Variants in TRIB2 observed in about 807,000 individuals in gnomAD.
The protein encoded by TRIB2 is tribbles homolog 2.
TRIB2 carries 2 observed loss-of-function variants against 26.8 expected under a neutral mutation model. The observed-to-expected ratio is 0.07, with a 90% CI of 0.03 to 0.24. The LOEUF (loss-of-function observed/expected upper bound fraction) is 0.24, where lower values mean the gene tolerates loss of function less well. TRIB2 is among the 10% of genes least tolerant of loss of function. The probability of loss-of-function intolerance (pLI) is 1.00; values close to 1 mark genes in which losing one functional copy is unlikely to be tolerated. For synonymous variants in TRIB2, 189 were observed against 187.3 expected, an observed-to-expected ratio of 1.01 and a Z score of -0.08; for missense variants, 306 against 449.0, an observed-to-expected ratio of 0.68 and a Z score of 2.88.
At position 12,733,590 on chromosome 2, in the gene TRIB2, A is replaced by G. The variant is rs115935201; in HGVS notation, c.564-6736A>G. ...TTTTACTTTGTTTTGAGAAATAAGG[A>G]TGCAAGCTGTAGTAATCTCAGCATC... On this transcript the variant is annotated intron_variant, in intron 2 of 2. Coordinates refer to ENST00000155926, the MANE Select transcript of TRIB2 (RefSeq NM_021643.4). Among the ~76,000 whole-genome samples, 1,143 of 152,324 alleles carry G rather than the reference A, an allele frequency of 7.5e-3. 7 individuals carry two copies. Among genetic ancestry groups the G allele is most frequent in the African/African-American group, 0.026 (1,100 of 41,580 alleles).
In TRIB2 at chr2:12,720,943, T is replaced by C. The variant is rs531065037; in HGVS notation, c.271-2317T>C. 1.1e-4 allele frequency among the ~76,000 whole-genome samples: 17 copies of C among 152,296 alleles called. No individual in the cohort carries two copies. The South Asian group carries it at 3.5e-3, about 32-fold the overall frequency. On this transcript the variant is annotated intron_variant, in intron 1 of 2. Transcript: ENST00000155926. ...AGAATGGGTACTTTTTTTTTGCAAA[T>C]GTTATTAATGATGGCCTAATCTTAC... is the stretch of plus-strand genomic sequence containing the variant.
rs984913217 is a variant in TRIB2 at position 12,718,219 on chromosome 2, G to C, written c.-89G>C. 5 of 1,506,722 alleles carry C rather than the reference G, an allele frequency of 3.3e-6. No individual in the cohort carries two copies. Among genetic ancestry groups the C allele is most frequent in the Non-Finnish European group, 4.5e-6 (5 of 1,122,350 alleles). The allele number at this position is 1,506,722 out of a possible 1,614,324, so 93.3% of individuals were successfully genotyped here. On this transcript the variant is annotated 5_prime_UTR_variant, in exon 1 of 3. Coordinates refer to ENST00000155926, the MANE Select transcript of TRIB2 (RefSeq NM_021643.4). The surrounding 1 kb of genome is among the most constrained non-coding windows in gnomAD (Gnocchi z 4.0). The stretch of plus-strand genomic sequence containing the variant: ...CCCCTCTCGCTCCCTTTTAAAATCA[G>C]TGGCACCGAGGCGCCTGCAGCCGCA...
intron 2 of TRIB2, among the ~76,000 whole-genome samples, chr2:12,734,118 C>A (rs950453842): frequency 3.3e-5 from 5 of 152,208 alleles, no homozygotes; most frequent in African/African-American, 1.2e-4. Context: ...GCACAGTTTG[C>A]AAAAGGCCTG....
Position 12,732,561 on chromosome 2 carries a change from T to C in TRIB2, c.564-7765T>C, listed in dbSNP as rs757774436. Among the ~76,000 whole-genome samples the C allele has an allele frequency of 3.3e-5, 5 of 152,164 alleles. No homozygotes were observed. The highest frequency in any genetic ancestry group is 7.3e-5 in the Non-Finnish European group (5 of 68,034). ...CCATTTGAGGTAGGAGTTGGGGTGG[T>C]TCACTGACTCTCCAAGACTTGGTGC... On this transcript the variant is annotated intron_variant, in intron 2 of 2. Transcript: ENST00000155926. The surrounding 1 kb of genome is among the most constrained non-coding windows in gnomAD (Gnocchi z 4.2).
Position 12,723,338 on chromosome 2 carries a change from A to T in TRIB2, c.349A>T (p.Thr117Ser). The T allele has an allele frequency of 6.2e-7, 1 of 1,614,224 alleles. No homozygotes were observed. ...TGCTCATAGTAACATCAACCAAATC[A>T]CTGAAATTATCCTGGGTGAGACCAA... is the stretch of plus-strand genomic sequence containing the variant. ...LSAHSNINQI[T>S]EIILGETKAY... is the part of the protein sequence containing the mutation. The change falls in exon 2 of 3, where the codon ACT becomes TCT. Residue 117 changes from threonine to serine, a missense_variant. Coordinates refer to ENST00000155926, the MANE Select transcript of TRIB2 (RefSeq NM_021643.4).
rs938861122 is a variant in TRIB2 at position 12,717,609 on chromosome 2, T to C, written c.-699T>C. ...GTTAAATGCTCCCTTGCAATTTTTC[T>C]TTTTTTTGTTTGTTTGTTTAATTTT... On this transcript the variant is annotated 5_prime_UTR_variant, in exon 1 of 3. Coordinates refer to ENST00000155926, the MANE Select transcript of TRIB2 (RefSeq NM_021643.4). This position sits in a 1 kb window ranked among gnomAD's most constrained non-coding sequence, Gnocchi z 4.8. 3.3e-5 allele frequency: 13 copies of C among 394,688 alleles called. No individual in the cohort carries two copies. The South Asian group carries it at 1.3e-3, about 38-fold the overall frequency. The allele number at this position is 394,688 out of a possible 1,614,324, so 24.4% of individuals were successfully genotyped here.
At chr2:12,736,254 C>G (rs1661564281) in intron 2 of TRIB2, among the ~76,000 whole-genome samples, 1 of 152,114 alleles carries the variant, frequency 6.6e-6, no homozygotes, top group African/African-American at 2.4e-5. Flanking sequence ...TGGGGAGACA[C>G]TGTGGCAAAG....
chr2:12,734,559 TTAA>T (rs1572484110), intron 2 of TRIB2, among the ~76,000 whole-genome samples: 1 of 152,158 alleles, frequency 6.6e-6, no homozygotes, highest in Non-Finnish European at 1.5e-5. Flanking sequence ...AGGTTCATTC[TTAA>T]TAATAAGATC....
intron 2 of TRIB2, among the ~76,000 whole-genome samples, chr2:12,736,127 G>C (rs1367420150): frequency 6.6e-6 from 1 of 152,064 alleles, no homozygotes; most frequent in African/African-American, 2.4e-5. Flanking sequence ...GGAGGTGAAG[G>C]AGAAAGTCAG....
At chr2:12,725,177 C>A (rs547747201) in intron 2 of TRIB2, among the ~76,000 whole-genome samples, 1 of 152,328 alleles carries the variant, frequency 6.6e-6, no homozygotes, top group Non-Finnish European at 1.5e-5. Context: ...CCCTCTCTCG[C>A]AGGGATCTGT....
chr2:12,728,908 G>T (rs1661391112), intron 2 of TRIB2, among the ~76,000 whole-genome samples: 1 of 152,150 alleles, frequency 6.6e-6, no homozygotes, highest in Non-Finnish European at 1.5e-5. Flanking sequence ...CCTCCATTGA[G>T]GTCTCAGTAT....
intron 2 of TRIB2, among the ~76,000 whole-genome samples, chr2:12,724,371 C>T (rs1428758230): frequency 6.6e-6 from 1 of 152,214 alleles, no homozygotes; most frequent in African/African-American, 2.4e-5. Flanking sequence ...TGCTTTCTCT[C>T]CCAGCCGATT....
intron 2 of TRIB2, among the ~76,000 whole-genome samples, chr2:12,726,945 TG>T (rs1269970849): frequency 6.6e-6 from 1 of 152,198 alleles, no homozygotes; most frequent in African/African-American, 2.4e-5. Context: ...ATGGAAACGT[TG>T]TTAGTGGAAC....
intron 2 of TRIB2, among the ~76,000 whole-genome samples, chr2:12,734,118 C>T (rs950453842): frequency 6.6e-6 from 1 of 152,208 alleles, no homozygotes; most frequent in East Asian, 1.9e-4. Flanking sequence ...GCACAGTTTG[C>T]AAAAGGCCTG....
At position 12,717,177 on chromosome 2, in the gene TRIB2, T is replaced by G; in HGVS notation, c.-1131T>G. ...AAGAAGGAGGAGACAAGCCGTCAAT[T>G]TTCTCCAAAACAAACCCCACCGGGC... On this transcript the variant is annotated 5_prime_UTR_variant, in exon 1 of 3. In the 5' UTR this introduces an upstream ATG that the reference lacks. Transcript: ENST00000155926. This position sits in a 1 kb window ranked among gnomAD's most constrained non-coding sequence, Gnocchi z 4.8. 1 of 393,182 alleles carries G rather than the reference T, an allele frequency of 2.5e-6. No homozygotes were observed. Among genetic ancestry groups the G allele is most frequent in the Admixed American group, 4.4e-5 (1 of 22,544 alleles). 24.4% of individuals were successfully genotyped at this position (393,182 alleles called of 1,614,324 possible).
intron 1 of TRIB2, among the ~76,000 whole-genome samples, chr2:12,721,967 A>G (rs534284494): frequency 1.3e-5 from 2 of 152,350 alleles, no homozygotes; most frequent in South Asian, 4.1e-4. Context: ...AAGAGGGAAC[A>G]GAGCTTTTAT....
intron 2 of TRIB2, among the ~76,000 whole-genome samples, chr2:12,727,420 A>AT (rs1491530399): frequency 1.3e-5 from 2 of 152,208 alleles, no homozygotes; most frequent in African/African-American, 2.4e-5. Flanking sequence ...CCCTTGTGAC[A>AT]TAGGGGTTCA....
intron 2 of TRIB2, among the ~76,000 whole-genome samples, chr2:12,727,734 G>C (rs1343191675): frequency 2.0e-5 from 3 of 152,108 alleles, no homozygotes; most frequent in Non-Finnish European, 4.4e-5. Flanking sequence ...GGGCCCAGAG[G>C]CATTGAGCAG....
At chr2:12,725,277 C>T (rs74871467) in intron 2 of TRIB2, among the ~76,000 whole-genome samples, 3,201 of 152,278 alleles carry the variant, frequency 0.021, 132 homozygotes, top group African/African-American at 0.073. Context: ...AGGGATAGGA[C>T]CCCCATAGTG....
Sources: allele counts gnomAD v4.1 joint callset (sites outside exome capture counted in the v4.1 genomes callset), GRCh38; gene constraint gnomAD v4.1.1; non-coding constraint Gnocchi (gnomAD v3.1); transcripts MANE v1.5; gene names NCBI Gene and HGNC (gene_info 2026-07-23, HGNC 2026-07-21).